The following LIN7C variants were observed in gnomAD, a reference collection of about 807,000 sequenced individuals.
LIN7C encodes the protein protein lin-7 homolog C.
A neutral mutation model predicts 24.7 loss-of-function variants in LIN7C; 17 were observed. That is an observed-to-expected ratio of 0.69 (90% confidence interval 0.47 to 1.03). The LOEUF (loss-of-function observed/expected upper bound fraction) is 1.03. Among genes scored for constraint, LIN7C ranks in the 50% least tolerant of loss-of-function variants. The probability of loss-of-function intolerance (pLI) is 0.00; values close to 1 mark genes in which losing one functional copy is unlikely to be tolerated. For synonymous variants in LIN7C, 90 were observed against 83.4 expected (o/e 1.08, Z -0.43); for missense variants, 204 against 239.0 (o/e 0.85, Z 0.97).
rs911597329 is a variant in LIN7C, at chr11:27,495,654, G to A, written c.*2995C>T. On this transcript the variant is annotated 3_prime_UTR_variant, in exon 5 of 5. Transcript: ENST00000278193. ...ACATGCTTTCTCAAATAACAAACAC[G>A]TATTTTTGTAAGTTTTAAAGGCAAA... 6.6e-6 allele frequency: 1 copy of A among 150,728 alleles called. No homozygotes were observed. The highest frequency in any genetic ancestry group is 2.4e-5 in the African/African-American group (1 of 40,872). The allele number at this position is 150,728 out of a possible 1,614,324, so 9.3% of individuals were successfully genotyped here. A position where few individuals can be genotyped will look rare whatever the true frequency, so the allele number is the denominator to read the frequency against.
chr11:27,497,052 CAAT>C lies in LIN7C; in HGVS notation c.*1594_*1596del, dbSNP rs2133485701. The C allele has an allele frequency of 6.6e-6, 1 of 152,642 alleles. No individual in the cohort carries two copies. The highest frequency in any genetic ancestry group is 1.9e-4 in the East Asian group (1 of 5,196). The allele number at this position is 152,642 out of a possible 1,614,324, so 9.5% of individuals were successfully genotyped here. A position where few individuals can be genotyped will look rare whatever the true frequency, so the allele number is the denominator to read the frequency against. Reference sequence around the variant, plus strand: ...TTACAATTTAACAACATGATCCTATCAATAACAAGCACATTTTGTAGTGGATTA... The same window carrying C: ...TTACAATTTAACAACATGATCCTATCAACAAGCACATTTTGTAGTGGATTA... On this transcript the variant is annotated 3_prime_UTR_variant, in exon 5 of 5. Coordinates refer to ENST00000278193, the MANE Select transcript of LIN7C (RefSeq NM_018362.4).
chr11:27,503,747 C>T (rs112286566), intron 1 of LIN7C, among the ~76,000 whole-genome samples: 2 of 152,186 alleles, frequency 1.3e-5, no homozygotes, highest in African/African-American at 4.8e-5. Flanking sequence ...CTCCTGACTT[C>T]ATGATCCACC....
In LIN7C at chr11:27,501,932, C is replaced by A. The variant is rs1865229845; in HGVS notation, c.38-12G>T. ...TGCTCTACAAATATCTAGAGTTAAA[C>A]ACACACACAGATAATTTTCTCCAAG... On this transcript the variant is annotated splice_polypyrimidine_tract_variant and intron_variant, in intron 1 of 4. Coordinates refer to ENST00000278193, the MANE Select transcript of LIN7C (RefSeq NM_018362.4). 3.4e-6 allele frequency: 5 copies of A among 1,466,080 alleles called. No homozygotes were observed. The South Asian group carries it at 5.8e-5, about 17-fold the overall frequency. 90.8% of individuals were successfully genotyped at this position (1,466,080 alleles called of 1,614,324 possible). A position where few individuals can be genotyped will look rare whatever the true frequency, so the allele number is the denominator to read the frequency against.
rs563732183 is a variant in LIN7C, at chr11:27,498,496, T to C, written c.*153A>G. Reference sequence around the variant, plus strand: ...GTGTATGCATCTCTGGAACCATAAATGATGTTAAAATAGGCATTTATAAAA... The same window carrying C: ...GTGTATGCATCTCTGGAACCATAAACGATGTTAAAATAGGCATTTATAAAA... On this transcript the variant is annotated 3_prime_UTR_variant, in exon 5 of 5. Coordinates refer to ENST00000278193, the MANE Select transcript of LIN7C (RefSeq NM_018362.4). The C allele has an allele frequency of 5.7e-5, 41 of 713,614 alleles. No homozygotes were observed. In the African/African-American group the frequency reaches 7.4e-4, roughly 13 times the overall value. The allele number at this position is 713,614 out of a possible 1,614,324, so 44.2% of individuals were successfully genotyped here.
chr11:27,498,297 A>C lies in LIN7C; in HGVS notation c.*352T>G, dbSNP rs1208469385. ...TTTTAAATCAGCAGCTAAATGAAGAAAACTTTTCCTTTCTAAAAAAAGATT... is the reference window on the plus strand; with the variant it reads ...TTTTAAATCAGCAGCTAAATGAAGACAACTTTTCCTTTCTAAAAAAAGATT... On this transcript the variant is annotated 3_prime_UTR_variant, in exon 5 of 5. Coordinates refer to ENST00000278193, the MANE Select transcript of LIN7C (RefSeq NM_018362.4). 6.1e-6 allele frequency: 1 copy of C among 163,600 alleles called. No homozygotes were observed. Among genetic ancestry groups the C allele is most frequent in the African/African-American group, 2.4e-5 (1 of 42,000 alleles). 10.1% of individuals were successfully genotyped at this position (163,600 alleles called of 1,614,324 possible).
chr11:27,500,495 G>C (rs374064902), intron 3 of LIN7C, among the ~76,000 whole-genome samples: 1 of 152,112 alleles, frequency 6.6e-6, no homozygotes, highest in African/African-American at 2.4e-5. Flanking sequence ...AAACAGAGCC[G>C]TATCTTCTTT....
At chr11:27,504,082 TGCTGGGATTACAGGCGTGA>T (rs1349824332) in intron 1 of LIN7C, among the ~76,000 whole-genome samples, 2 of 152,146 alleles carry the variant, frequency 1.3e-5, no homozygotes, top group African/African-American at 4.8e-5. Context: ...CCTCCCAAAG[TGCTGGGATTACAGGCGTGA>T]GCCACTGCGC....
In LIN7C at chr11:27,495,480, AAC is replaced by A. The variant is rs1300797571; in HGVS notation, c.*3167_*3168del. On this transcript the variant is annotated 3_prime_UTR_variant, in exon 5 of 5. Transcript: ENST00000278193. ...AGAGCAAGACTCTGTCTCAAAAAAA[AAC>A]AAAAACAAAAAACAAAAAAAAAATT... The A allele has an allele frequency of 7.2e-5, 11 of 152,246 alleles. No homozygotes were observed. In the East Asian group the frequency reaches 1.4e-3, roughly 19 times the overall value. The allele number at this position is 152,246 out of a possible 1,614,324, so 9.4% of individuals were successfully genotyped here.
Position 27,495,918 on chromosome 11 carries a change from G to C in LIN7C, c.*2731C>G, listed in dbSNP as rs1865163581. The C allele has an allele frequency of 6.6e-6, 1 of 150,596 alleles. No individual in the cohort carries two copies. The highest frequency in any genetic ancestry group is 1.5e-5 in the Non-Finnish European group (1 of 67,888). 9.3% of individuals were successfully genotyped at this position (150,596 alleles called of 1,614,324 possible). A position where few individuals can be genotyped will look rare whatever the true frequency, so the allele number is the denominator to read the frequency against. ...GGAGTTTCAGGCTGCAGTGAGCTAT[G>C]ATCACACCACTGTGTTCCAGCCTGG... On this transcript the variant is annotated 3_prime_UTR_variant, in exon 5 of 5. Coordinates refer to ENST00000278193, the MANE Select transcript of LIN7C (RefSeq NM_018362.4).
chr11:27,499,208 TA>T (rs1034607658), intron 4 of LIN7C, 150 bp downstream of exon 4: 31 of 631,460 alleles, frequency 4.9e-5, no homozygotes, highest in African/African-American at 1.1e-4. Context: ...TTATAGTGCT[TA>T]AAAAAAAGGA....
At chr11:27,500,014 A>G (rs1244994280) in intron 3 of LIN7C, among the ~76,000 whole-genome samples, 1 of 152,230 alleles carries the variant, frequency 6.6e-6, no homozygotes. Flanking sequence ...TGAGAAGGTA[A>G]GCTAAACAGA....
chr11:27,503,047 G>A (rs1253172268), intron 1 of LIN7C, among the ~76,000 whole-genome samples: 1 of 152,172 alleles, frequency 6.6e-6, no homozygotes, highest in Non-Finnish European at 1.5e-5. Context: ...CCCAGGAGGT[G>A]GAGGTTGCAG....
Position 27,497,170 on chromosome 11 carries a change from A to G in LIN7C, c.*1479T>C, listed in dbSNP as rs1257726756. ...CTTTTATTTTGAAAAATCATTGAAA[A>G]CTGGAATAATCATCTGAGACTCACA... On this transcript the variant is annotated 3_prime_UTR_variant, in exon 5 of 5. Transcript: ENST00000278193. 2.0e-5 allele frequency: 3 copies of G among 152,576 alleles called. No homozygotes were observed. The highest frequency in any genetic ancestry group is 7.2e-5 in the African/African-American group (3 of 41,458). 9.5% of individuals were successfully genotyped at this position (152,576 alleles called of 1,614,324 possible).
At chr11:27,506,594 G>A in intron 1 of LIN7C, 122 bp downstream of exon 1, 1 of 1,139,316 alleles carries the variant, frequency 8.8e-7, no homozygotes, top group Non-Finnish European at 1.3e-6. Flanking sequence ...GCGGCCTCTG[G>A]CGCCGGCACA....
intron 1 of LIN7C, among the ~76,000 whole-genome samples, chr11:27,503,084 C>T (rs965410584): frequency 6.6e-6 from 1 of 152,096 alleles, no homozygotes; most frequent in South Asian, 2.1e-4. Context: ...CACTGCACTC[C>T]AGCCTGGGTG....
At chr11:27,501,342 C>G (rs1865223889) in intron 3 of LIN7C, among the ~76,000 whole-genome samples, 153 bp downstream of exon 3, 1 of 151,940 alleles carries the variant, frequency 6.6e-6, no homozygotes. Context: ...GCAATAGAAA[C>G]AAATGTCTTA....
intron 1 of LIN7C, 39 bp downstream of exon 1, chr11:27,506,677 C>CCCTT: frequency 1.2e-6 from 2 of 1,611,972 alleles, no homozygotes; most frequent in Non-Finnish European, 1.7e-6. Context: ...ACTCCCCCAA[C>CCCTT]CCTTCCGCCC....
rs1460559108 is a variant in LIN7C, at chr11:27,502,900, T to TC, written c.38-981dup. 2.0e-5 allele frequency among the ~76,000 whole-genome samples: 3 copies of TC among 151,820 alleles called. No homozygotes were observed. The East Asian group carries it at 5.8e-4, about 29-fold the overall frequency. ...GCCGAGGCGGGTGGATCACCTGAGGTCAAGAGTTCAAGACCAGCCTGGCCA... is the reference window on the plus strand; with the variant it reads ...GCCGAGGCGGGTGGATCACCTGAGGTCCAAGAGTTCAAGACCAGCCTGGCCA... On this transcript the variant is annotated intron_variant, in intron 1 of 4. Transcript: ENST00000278193.
At chr11:27,504,379 T>C (rs922844469) in intron 1 of LIN7C, among the ~76,000 whole-genome samples, 1 of 152,218 alleles carries the variant, frequency 6.6e-6, no homozygotes, top group African/African-American at 2.4e-5. Flanking sequence ...TGCTCAAATT[T>C]GTGTTTCATT....
Sources: allele counts gnomAD v4.1 joint callset (sites outside exome capture counted in the v4.1 genomes callset), GRCh38; gene constraint gnomAD v4.1.1; transcripts MANE v1.5; gene names NCBI Gene and HGNC (gene_info 2026-07-23, HGNC 2026-07-21).